The following CSE1L variants were observed in gnomAD, a reference collection of about 807,000 sequenced individuals.
CSE1L encodes exportin-2.
Under a neutral mutation model 120.4 loss-of-function variants are expected in CSE1L, and 24 were observed. That is an observed-to-expected ratio of 0.20 (90% CI 0.14 to 0.28). CSE1L has a LOEUF of 0.28. Ranked by LOEUF, CSE1L falls within the 10% of genes least tolerant of loss-of-function variation. CSE1L has a pLI of 1.00. For synonymous variants in CSE1L, 402 were observed against 398.3 expected (o/e 1.01, Z -0.11); for missense variants, 830 against 1,145.2 (o/e 0.72, Z 3.97).
chr20:49,086,573 C>T (rs976988326), intron 16 of CSE1L, among the ~76,000 whole-genome samples: 2 of 151,932 alleles, frequency 1.3e-5, no homozygotes, highest in Non-Finnish European at 2.9e-5. Flanking sequence ...GCATGTTGGT[C>T]AGGCTGGTCT....
At chr20:49,073,599 C>T (rs8119476) in intron 10 of CSE1L, among the ~76,000 whole-genome samples, 32,664 of 151,998 alleles carry the variant, frequency 0.21, 3,636 homozygotes, top group Non-Finnish European at 0.24. Context: ...CATTGTCCCA[C>T]CCTGGCCTCC....
chr20:49,053,941 A>C (rs2091787819), intron 1 of CSE1L, among the ~76,000 whole-genome samples: 1 of 152,208 alleles, frequency 6.6e-6, no homozygotes, highest in African/African-American at 2.4e-5. Flanking sequence ...CGTCTGCCTC[A>C]GCCTCCCACC....
At chr20:49,081,882 C>T (rs1043678528) in intron 14 of CSE1L, among the ~76,000 whole-genome samples, 1 of 152,164 alleles carries the variant, frequency 6.6e-6, no homozygotes, top group South Asian at 2.1e-4. Context: ...TGAAATAATC[C>T]TCACAAATCT....
chr20:49,049,402 A>G (rs1005714343), intron 1 of CSE1L, among the ~76,000 whole-genome samples: 3 of 152,018 alleles, frequency 2.0e-5, no homozygotes, highest in Non-Finnish European at 4.4e-5. Context: ...GTTGGTCTCA[A>G]ACTCCTGGAC....
chr20:49,049,713 A>G (rs993203317), intron 1 of CSE1L, among the ~76,000 whole-genome samples: 3 of 152,254 alleles, frequency 2.0e-5, no homozygotes, highest in African/African-American at 4.8e-5. Flanking sequence ...TTTATAGACT[A>G]TATCTGCAAG....
chr20:49,087,361 T>TC (rs2092068104), intron 16 of CSE1L, among the ~76,000 whole-genome samples: 1 of 147,086 alleles, frequency 6.8e-6, no homozygotes, highest in African/African-American at 2.5e-5. Flanking sequence ...CTTTTTTTTT[T>TC]TTTTTTTTGA....
intron 16 of CSE1L, 107 bp downstream of exon 16, chr20:49,085,493 T>C: frequency 1.6e-6 from 1 of 606,380 alleles, no homozygotes; most frequent in Non-Finnish European, 2.8e-6. Context: ...CCAGATAATG[T>C]TTACCAAGTA....
chr20:49,073,343 T>C (rs16984419), intron 10 of CSE1L, among the ~76,000 whole-genome samples: 1,880 of 152,252 alleles, frequency 0.012, 18 homozygotes, highest in Non-Finnish European at 0.02. Flanking sequence ...GACTTGAGAA[T>C]AGAAATGATA....
chr20:49,088,402 A>T (rs913658565), intron 17 of CSE1L, among the ~76,000 whole-genome samples: 1 of 152,254 alleles, frequency 6.6e-6, no homozygotes, highest in Non-Finnish European at 1.5e-5. Context: ...AATGGAGTTA[A>T]GTAGGCTTTG....
chr20:49,064,195 C>T (rs2091873206), intron 3 of CSE1L, among the ~76,000 whole-genome samples: 1 of 152,162 alleles, frequency 6.6e-6, no homozygotes, highest in Non-Finnish European at 1.5e-5. Context: ...TTGAGAAAGC[C>T]TGGCTCATGA....
chr20:49,078,218 C>A (rs904815899), intron 13 of CSE1L, among the ~76,000 whole-genome samples: 1 of 152,098 alleles, frequency 6.6e-6, no homozygotes, highest in Non-Finnish European at 1.5e-5. Flanking sequence ...TTTCCCTACC[C>A]ACTAGAATAA....
At chr20:49,082,044 A>G (rs1016489024) in intron 14 of CSE1L, among the ~76,000 whole-genome samples, 9 of 152,028 alleles carry the variant, frequency 5.9e-5, no homozygotes, top group Non-Finnish European at 1.2e-4. Flanking sequence ...TTACGCTTTC[A>G]CTACGCATTT....
intron 22 of CSE1L, among the ~76,000 whole-genome samples, chr20:49,092,737 A>C (rs1254405748): frequency 6.6e-6 from 1 of 152,070 alleles, no homozygotes; most frequent in Non-Finnish European, 1.5e-5. Context: ...TAATGGGTGC[A>C]GTAAACCAAC....
At chr20:49,072,757 CAT>C (rs1435184039) in intron 10 of CSE1L, 60 bp downstream of exon 10, 4 of 1,450,362 alleles carry the variant, frequency 2.8e-6, no homozygotes, top group Non-Finnish European at 3.7e-6. Flanking sequence ...TTTTTTGTAA[CAT>C]ATTCAGTCTA....
At chr20:49,078,215 A>G (rs2091983816) in intron 13 of CSE1L, among the ~76,000 whole-genome samples, 1 of 152,132 alleles carries the variant, frequency 6.6e-6, no homozygotes, top group Non-Finnish European at 1.5e-5. Context: ...TTATTTCCCT[A>G]CCCACTAGAA....
chr20:49,061,916 G>A (rs2091856409), intron 2 of CSE1L, among the ~76,000 whole-genome samples: 1 of 152,088 alleles, frequency 6.6e-6, no homozygotes. Context: ...GCATTTCTCA[G>A]GGATCGAGAC....
chr20:49,064,794 T>G (rs2091878400), intron 3 of CSE1L, among the ~76,000 whole-genome samples: 1 of 151,188 alleles, frequency 6.6e-6, no homozygotes, highest in African/African-American at 2.4e-5. Flanking sequence ...GTAAAACTAG[T>G]GAGACTTAAC....
chr20:49,085,460 C>A (rs1243864672), intron 16 of CSE1L, 74 bp downstream of exon 16: 5 of 998,316 alleles, frequency 5.0e-6, no homozygotes, highest in Non-Finnish European at 7.8e-6. Context: ...CTGAGTTATA[C>A]TTCAGGTTAT....
intron 1 of CSE1L, among the ~76,000 whole-genome samples, chr20:49,054,801 C>G (rs1461925392): frequency 1.3e-5 from 2 of 152,216 alleles, no homozygotes; most frequent in Non-Finnish European, 2.9e-5. Context: ...TATGGAGGAA[C>G]CTATATGATC....
Sources: gnomAD v4.1 joint callset for allele counts (sites outside exome capture counted in the v4.1 genomes callset) on GRCh38, gnomAD v4.1.1 for gene constraint, MANE v1.5 for transcripts, NCBI Gene and HGNC (gene_info 2026-07-23, HGNC 2026-07-21) for gene names.